Variants in HSD17B4 observed in about 807,000 individuals in gnomAD.
HSD17B4 encodes peroxisomal multifunctional enzyme type 2.
Under a neutral mutation model 101.0 loss-of-function variants are expected in HSD17B4, and 70 were observed. That is an observed-to-expected ratio of 0.69 (90% confidence interval 0.57 to 0.85). HSD17B4 has a LOEUF of 0.85. Ranked by LOEUF, HSD17B4 falls within the 40% of genes least tolerant of loss-of-function variation. The pLI, the probability that HSD17B4 is intolerant of heterozygous loss-of-function variation, is 0.00. For synonymous variants in HSD17B4, 347 were observed against 297.1 expected (o/e 1.17, Z -1.73); for missense variants, 984 against 892.4 (o/e 1.10, Z -1.31).
At chr5:119,505,230 C>G (rs1419662061) in intron 14 of HSD17B4, among the ~76,000 whole-genome samples, 2 of 151,404 alleles carry the variant, frequency 1.3e-5, no homozygotes, top group African/African-American at 4.9e-5. Context: ...ACTATTCTGG[C>G]TCTTTCTGGT....
intron 21 of HSD17B4, 169 bp downstream of exon 21, chr5:119,530,149 T>C (rs1753939537): frequency 3.2e-6 from 2 of 617,556 alleles, no homozygotes; most frequent in South Asian, 1.9e-5. Flanking sequence ...AGGAATACTC[T>C]GGCAATTTAT....
At chr5:119,452,963 C>A in intron 1 of HSD17B4, 1 of 981,076 alleles carries the variant, frequency 1.0e-6, no homozygotes, top group Non-Finnish European at 1.5e-6. Context: ...TGTTACTCTT[C>A]CTGCAATTAA....
intron 12 of HSD17B4, among the ~76,000 whole-genome samples, chr5:119,496,952 T>C (rs1229727158): frequency 6.6e-6 from 1 of 152,206 alleles, no homozygotes; most frequent in East Asian, 1.9e-4. Flanking sequence ...GTACTTTATT[T>C]GTCTTTTTAG....
chr5:119,518,475 T>C (rs189338757), intron 17 of HSD17B4, among the ~76,000 whole-genome samples: 213 of 152,314 alleles, frequency 1.4e-3, no homozygotes, highest in Middle Eastern at 6.8e-3. Context: ...GGTTCGATAG[T>C]AAGAATGGGA....
chr5:119,512,841 G>C (rs1752296993), intron 16 of HSD17B4, among the ~76,000 whole-genome samples: 1 of 152,220 alleles, frequency 6.6e-6, no homozygotes, highest in South Asian at 2.1e-4. Context: ...AGACAAGGGA[G>C]AGTGACTGCT....
chr5:119,480,372 A>G (rs1055050837), intron 8 of HSD17B4, among the ~76,000 whole-genome samples: 5 of 152,112 alleles, frequency 3.3e-5, no homozygotes, highest in Non-Finnish European at 5.9e-5. Flanking sequence ...GACAGAGTAC[A>G]AAAGAGAGAA....
intron 16 of HSD17B4, among the ~76,000 whole-genome samples, chr5:119,512,696 A>T (rs976726347): frequency 1.3e-5 from 2 of 152,248 alleles, no homozygotes; most frequent in African/African-American, 4.8e-5. Flanking sequence ...GTCTTGCCTT[A>T]TAAGAAATCC....
At chr5:119,517,268 G>A (rs1752707670) in intron 17 of HSD17B4, among the ~76,000 whole-genome samples, 1 of 152,208 alleles carries the variant, frequency 6.6e-6, no homozygotes, top group Non-Finnish European at 1.5e-5. Context: ...TGCGGAGGGT[G>A]TACTGGGTCC....
chr5:119,510,944 C>A (rs927079052), intron 16 of HSD17B4, among the ~76,000 whole-genome samples: 3 of 152,144 alleles, frequency 2.0e-5, no homozygotes, highest in African/African-American at 7.2e-5. Context: ...CTCCATCCAG[C>A]CCCCACTTAC....
intron 20 of HSD17B4, among the ~76,000 whole-genome samples, chr5:119,529,647 G>C (rs540366128): frequency 4.6e-4 from 70 of 151,984 alleles, no homozygotes; most frequent in African/African-American, 1.6e-3. Context: ...GGGTTTCTTT[G>C]TTTGTTTGTT....
chr5:119,502,830 A>G (rs1318003662), intron 14 of HSD17B4, among the ~76,000 whole-genome samples: 1 of 152,124 alleles, frequency 6.6e-6, no homozygotes, highest in African/African-American at 2.4e-5. Flanking sequence ...TTGAAGCTGA[A>G]TAGCTTTATT....
intron 4 of HSD17B4, 40 bp downstream of exon 4, chr5:119,474,500 C>T (rs762436654): frequency 2.6e-6 from 3 of 1,161,456 alleles, no homozygotes; most frequent in Non-Finnish European, 3.9e-6. Context: ...GGAGCAACTT[C>T]TACCTTCCTA....
In HSD17B4 at chr5:119,456,599, G is replaced by C. The variant is rs188428703; in HGVS notation, c.112+231G>C. ...AACAGAATTGATAACGAAGGGCTAG[G>C]GGGTAGGCATGCTGGCTTGTGGCTA... is the stretch of plus-strand genomic sequence containing the variant. On this transcript the variant is annotated intron_variant, in intron 2 of 23. Coordinates refer to ENST00000510025, the MANE Select transcript of HSD17B4 (RefSeq NM_000414.4). 2,013 of 528,062 alleles carry C rather than the reference G, an allele frequency of 3.8e-3. 63 individuals are homozygous for C. The Admixed American group carries it at 0.057, about 15-fold the overall frequency. 32.7% of individuals were successfully genotyped at this position (528,062 alleles called of 1,614,324 possible).
At chr5:119,531,566 GGGGTGTGTGTGTGTGT>G (rs1754112622) in intron 22 of HSD17B4, among the ~76,000 whole-genome samples, 162 bp downstream of exon 22, 1 of 35,268 alleles carries the variant, frequency 2.8e-5, no homozygotes, top group South Asian at 9.7e-4. Context: ...TGTCCAAAGG[GGGGTGTGTGTGTGTGT>G]GTGTGTGTGT....
At chr5:119,501,354 G>T (rs571674826) in intron 13 of HSD17B4, among the ~76,000 whole-genome samples, 1 of 149,650 alleles carries the variant, frequency 6.7e-6, no homozygotes, top group East Asian at 2.0e-4. Flanking sequence ...TTCTGAGGAA[G>T]ACTGGTAAAC....
chr5:119,518,561 G>C (rs184925886), intron 17 of HSD17B4, among the ~76,000 whole-genome samples: 19 of 152,316 alleles, frequency 1.2e-4, no homozygotes, highest in Non-Finnish European at 1.2e-4. Flanking sequence ...TAATGATGGA[G>C]TGTAAGAGAG....
At chr5:119,533,914 T>A (rs947076988) in intron 22 of HSD17B4, among the ~76,000 whole-genome samples, 1 of 152,148 alleles carries the variant, frequency 6.6e-6, no homozygotes, top group Non-Finnish European at 1.5e-5. Context: ...TCATAGAATT[T>A]GGCCCACAGG....
intron 6 of HSD17B4, 118 bp from the exon 7 acceptor site, chr5:119,477,299 A>G (rs978691222): frequency 2.8e-5 from 21 of 743,526 alleles, no homozygotes; most frequent in African/African-American, 8.8e-5. Flanking sequence ...ACAGTAGGCA[A>G]TTTTATACAT....
intron 1 of HSD17B4, among the ~76,000 whole-genome samples, chr5:119,455,546 C>T (rs1189755947): frequency 1.8e-5 from 2 of 113,802 alleles, no homozygotes; most frequent in African/African-American, 7.2e-5. Context: ...AAAACTTTCT[C>T]TCTCTCTCTC....
Sources: gnomAD v4.1 joint callset for allele counts (sites outside exome capture counted in the v4.1 genomes callset) on GRCh38, gnomAD v4.1.1 for gene constraint, MANE v1.5 for transcripts, NCBI Gene and HGNC (gene_info 2026-07-23, HGNC 2026-07-21) for gene names.